Variants in ASTN2 observed in about 807,000 individuals in gnomAD.
The protein encoded by ASTN2 is astrotactin-2.
A neutral mutation model predicts 139.8 loss-of-function variants in ASTN2; 54 were observed. The ratio of observed to expected loss-of-function variants is 0.39; its 90% CI spans 0.31 to 0.48. ASTN2 has a LOEUF of 0.48. ASTN2 is among the 20% of genes least tolerant of loss of function. The probability of loss-of-function intolerance (pLI) is 0.95; values close to 1 mark genes in which losing one functional copy is unlikely to be tolerated. For synonymous variants in ASTN2, 756 were observed against 719.5 expected, an observed-to-expected ratio of 1.05 and a Z score of -0.81; for missense variants, 1,565 against 1,725.1, an observed-to-expected ratio of 0.91 and a Z score of 1.64.
At position 116,699,675 on chromosome 9, in the gene ASTN2, T is replaced by G; in HGVS notation, c.2806+26096A>C. On this transcript the variant is annotated intron_variant, in intron 16 of 22. Transcript: ENST00000313400. This position sits in a 1 kb window ranked among gnomAD's most constrained non-coding sequence, Gnocchi z 4.2. ...GGATCATTGCATCAAGATCTACAGCTACCATCTGAGAAGATATTCCACCCC... is the reference window on the plus strand; with the variant it reads ...GGATCATTGCATCAAGATCTACAGCGACCATCTGAGAAGATATTCCACCCC... The G allele has an allele frequency of 6.2e-7, 1 of 1,614,216 alleles. No homozygotes were observed. Among genetic ancestry groups the G allele is most frequent in the South Asian group, 1.1e-5 (1 of 91,080 alleles).
intron 2 of ASTN2, among the ~76,000 whole-genome samples, chr9:117,243,637 C>A (rs1365766809): frequency 6.6e-6 from 1 of 152,038 alleles, no homozygotes; most frequent in Non-Finnish European, 1.5e-5. Context: ...TCACTTGGCT[C>A]GAAGAATTAA....
chr9:117,222,295 A>T (rs919231540), intron 2 of ASTN2, among the ~76,000 whole-genome samples: 3 of 152,166 alleles, frequency 2.0e-5, no homozygotes, highest in African/African-American at 7.2e-5. Context: ...CCCTTCTTCA[A>T]ATGTGTGCTT....
At chr9:116,635,981 ACT>A (rs1297096127) in intron 17 of ASTN2, among the ~76,000 whole-genome samples, 1 of 152,046 alleles carries the variant, frequency 6.6e-6, no homozygotes, top group Non-Finnish European at 1.5e-5. Flanking sequence ...GATAGAAGAA[ACT>A]CTAGAATCCA....
chr9:117,089,747 T>C (rs1270175880), intron 5 of ASTN2, among the ~76,000 whole-genome samples: 1 of 151,732 alleles, frequency 6.6e-6, no homozygotes, highest in Non-Finnish European at 1.5e-5. Context: ...CACCATAGTT[T>C]AGCTCCCACA....
At chr9:117,394,638 A>C (rs1172934219) in intron 1 of ASTN2, among the ~76,000 whole-genome samples, 2 of 152,228 alleles carry the variant, frequency 1.3e-5, no homozygotes, top group Admixed American at 1.3e-4. Flanking sequence ...CACCAGCAGA[A>C]ATTCAGGAGA....
rs1355236554 is a variant in ASTN2 at position 117,210,991 on chromosome 9, A to AC, written c.1015+3366_1015+3367insG. Among the ~76,000 whole-genome samples the AC allele has an allele frequency of 9.2e-5, 14 of 151,858 alleles. No homozygotes were observed. In the East Asian group the frequency reaches 2.7e-3, roughly 29 times the overall value. On this transcript the variant is annotated intron_variant, in intron 3 of 22. Coordinates refer to ENST00000313400, the MANE Select transcript of ASTN2 (RefSeq NM_001365068.1). ...ATGATCATCTCAAAGCAAAAAAAAA[A>AC]AAAGCTTTTGAAATTTTAAATATCT... is the stretch of plus-strand genomic sequence containing the variant.
intron 2 of ASTN2, among the ~76,000 whole-genome samples, chr9:117,232,273 CT>C (rs1832915935): frequency 1.3e-5 from 2 of 152,172 alleles, no homozygotes; most frequent in Non-Finnish European, 2.9e-5. Flanking sequence ...GGAAATGTTT[CT>C]TCTTTATACC....
intron 4 of ASTN2, among the ~76,000 whole-genome samples, chr9:117,127,870 T>C (rs571377075): frequency 5.3e-5 from 8 of 151,916 alleles, no homozygotes; most frequent in Admixed American, 3.9e-4. Flanking sequence ...TTAGTAGAGA[T>C]GGGGTTTCAC....
chr9:116,672,644 G>A (rs1232700372), intron 16 of ASTN2, among the ~76,000 whole-genome samples: 1 of 152,206 alleles, frequency 6.6e-6, no homozygotes, highest in African/African-American at 2.4e-5. Context: ...TCACATTTCT[G>A]TGTGGTAGAT....
At chr9:116,592,747 T>C (rs927962819) in intron 19 of ASTN2, among the ~76,000 whole-genome samples, 1 of 152,192 alleles carries the variant, frequency 6.6e-6, no homozygotes, top group Non-Finnish European at 1.5e-5. Flanking sequence ...CTCTCAAAGA[T>C]GACTGAATTC....
rs771828922 is a variant in ASTN2 at position 116,863,784 on chromosome 9, T to C, written c.1890-51A>G. ...CCCCAGAGACATTTGGATCCTTAGA[T>C]TAAAAAAATAATAATGTGAATTCAT... is the stretch of plus-strand genomic sequence containing the variant. On this transcript the variant is annotated intron_variant, in intron 10 of 22. Coordinates refer to ENST00000313400, the MANE Select transcript of ASTN2 (RefSeq NM_001365068.1). The C allele has an allele frequency of 2.0e-5, 31 of 1,514,958 alleles. No homozygotes were observed. In the East Asian group the frequency reaches 6.9e-4, roughly 34 times the overall value. 93.8% of individuals were successfully genotyped at this position (1,514,958 alleles called of 1,614,324 possible).
intron 19 of ASTN2, chr9:116,610,801 T>A (rs980180248): frequency 2.6e-5 from 4 of 152,086 alleles, no homozygotes; most frequent in Admixed American, 2.6e-4. Context: ...TAACAATAAC[T>A]TCAAAATATA....
intron 11 of ASTN2, among the ~76,000 whole-genome samples, chr9:116,836,951 A>C (rs1173875894): frequency 6.6e-6 from 1 of 152,140 alleles, no homozygotes; most frequent in Admixed American, 6.5e-5. Flanking sequence ...AAAGCCTAAA[A>C]TATTTACTAT....
intron 4 of ASTN2, among the ~76,000 whole-genome samples, chr9:117,106,312 C>T (rs183488706): frequency 3.0e-4 from 45 of 152,016 alleles, no homozygotes; most frequent in East Asian, 1.9e-4. Flanking sequence ...CTGCAACCTC[C>T]GCCTCCCATT....
chr9:116,484,184 G>A (rs964534481), intron 20 of ASTN2, among the ~76,000 whole-genome samples: 2 of 152,172 alleles, frequency 1.3e-5, no homozygotes, highest in African/African-American at 4.8e-5. Context: ...GAAGAGTCAG[G>A]GGAGAAGAAG....
At position 116,651,613 on chromosome 9, in the gene ASTN2, T is replaced by C. The variant is rs1588143128; in HGVS notation, c.2987A>G (p.Glu996Gly). 6.2e-7 allele frequency: 1 copy of C among 1,614,148 alleles called. No individual in the cohort carries two copies. Among genetic ancestry groups the C allele is most frequent in the Non-Finnish European group, 8.5e-7 (1 of 1,180,032 alleles). The change falls in exon 17 of 23, where the codon GAG becomes GGG. Residue 996 changes from glutamate to glycine, a missense_variant. Glu to Gly is a moderately conservative substitution (Grantham distance 98). Around this residue, in one of 4 missense-constraint regions of ASTN2, gnomAD observed 418 missense variants for 465.8 expected, o/e 0.90. Coordinates refer to ENST00000313400, the MANE Select transcript of ASTN2 (RefSeq NM_001365068.1). ...CAGCACTGGTGTGGGGCTCAGCTGC[T>C]CCTTGCCTGGCCGGCGGCAAAGGTG... ...TCHLCRRPGK[E>G]QLSPTPVLLE... is the part of the protein sequence containing the mutation.
At chr9:116,903,716 C>A (rs1037848792) in intron 10 of ASTN2, among the ~76,000 whole-genome samples, 4 of 151,706 alleles carry the variant, frequency 2.6e-5, no homozygotes, top group Non-Finnish European at 5.9e-5. Context: ...AGAGCTCAGC[C>A]CAGGGTGTGG....
chr9:117,200,976 T>C (rs1045629545), intron 3 of ASTN2, among the ~76,000 whole-genome samples: 33 of 147,392 alleles, frequency 2.2e-4, no homozygotes, highest in Non-Finnish European at 1.6e-4. Context: ...AATTCAGCTA[T>C]GAAACCATCT....
chr9:117,198,574 C>T (rs1030395521), intron 3 of ASTN2, among the ~76,000 whole-genome samples: 4 of 152,122 alleles, frequency 2.6e-5, no homozygotes, highest in African/African-American at 9.7e-5. Flanking sequence ...CACAGCCTTG[C>T]TATTACAAAT....
Sources: allele counts gnomAD v4.1 joint callset (sites outside exome capture counted in the v4.1 genomes callset), GRCh38; gene constraint gnomAD v4.1.1; regional missense constraint gnomAD v4.1.1; non-coding constraint Gnocchi (gnomAD v3.1); transcripts MANE v1.5; gene names NCBI Gene and HGNC (gene_info 2026-07-23, HGNC 2026-07-21).